Variants in KAZN observed in about 807,000 individuals in gnomAD.
KAZN encodes kazrin, periplakin interacting protein.
Under a neutral mutation model 87.4 loss-of-function variants are expected in KAZN, and 40 were observed. That is an observed-to-expected ratio of 0.46 (90% CI 0.36 to 0.60). KAZN has a LOEUF of 0.60. KAZN is among the 20% of genes least tolerant of loss of function. The pLI, the probability that KAZN is intolerant of heterozygous loss-of-function variation, is 0.00. For synonymous variants in KAZN, 466 were observed against 458.3 expected, an observed-to-expected ratio of 1.02 and a Z score of -0.22; for missense variants, 898 against 1,073.9, an observed-to-expected ratio of 0.84 and a Z score of 2.29.
intron 8 of KAZN, among the ~76,000 whole-genome samples, chr1:15,076,238 T>C (rs1489817383): frequency 6.6e-6 from 1 of 152,218 alleles, no homozygotes; most frequent in East Asian, 1.9e-4. Flanking sequence ...GGGTCACTGA[T>C]GGCAGCTTGA....
chr1:14,201,947 C>T (rs1056198038), intron 2 of KAZN, among the ~76,000 whole-genome samples: 2 of 152,222 alleles, frequency 1.3e-5, no homozygotes, highest in South Asian at 2.1e-4. Flanking sequence ...GGATTACAGG[C>T]GTGAGCCACT....
chr1:14,041,895 A>T (rs989203967), intron 1 of KAZN, among the ~76,000 whole-genome samples: 3 of 152,064 alleles, frequency 2.0e-5, no homozygotes, highest in African/African-American at 7.2e-5. Context: ...GTATTGTTTA[A>T]TTTTTTTCTG....
At chr1:14,508,947 G>A (rs2148441640) in intron 2 of KAZN, among the ~76,000 whole-genome samples, 1 of 152,330 alleles carries the variant, frequency 6.6e-6, no homozygotes, top group African/African-American at 2.4e-5. Flanking sequence ...GTTCTGTCCT[G>A]TAAGAAAGCA....
At chr1:14,767,852 T>C (rs1338159174) in intron 1 of KAZN, among the ~76,000 whole-genome samples, 1 of 152,166 alleles carries the variant, frequency 6.6e-6, no homozygotes, top group East Asian at 1.9e-4. Context: ...AAAGAGGACC[T>C]TGAGCTGCCA....
chr1:14,372,250 T>C (rs1017855753), intron 2 of KAZN, among the ~76,000 whole-genome samples: 1 of 152,246 alleles, frequency 6.6e-6, no homozygotes, highest in South Asian at 2.1e-4. Flanking sequence ...GAATCATGGA[T>C]AGATCAACAG....
intron 10 of KAZN, among the ~76,000 whole-genome samples, chr1:15,098,529 C>A (rs537827884): frequency 6.6e-6 from 1 of 152,362 alleles, no homozygotes; most frequent in Non-Finnish European, 1.5e-5. Context: ...CATTGATTTG[C>A]TGACCAAACT....
intron 1 of KAZN, among the ~76,000 whole-genome samples, chr1:14,176,763 A>G (rs1646086161): frequency 6.6e-6 from 1 of 152,142 alleles, no homozygotes. Context: ...TCTTCTATTT[A>G]TTTATTATTT....
At chr1:14,939,456 G>A (rs1660812318) in intron 1 of KAZN, among the ~76,000 whole-genome samples, 1 of 151,688 alleles carries the variant, frequency 6.6e-6, no homozygotes, top group African/African-American at 2.4e-5. Context: ...CATTTTGTTT[G>A]TAGAGACAGG....
chr1:14,816,554 G>T (rs1416951213), intron 1 of KAZN, among the ~76,000 whole-genome samples: 2 of 152,142 alleles, frequency 1.3e-5, no homozygotes, highest in Admixed American at 1.3e-4. Context: ...CACCAGCAAG[G>T]AGAATCTTGC....
At chr1:15,108,230 C>T (rs514370) in intron 13 of KAZN, among the ~76,000 whole-genome samples, 26,392 of 152,128 alleles carry the variant, frequency 0.17, 2,852 homozygotes, top group East Asian at 0.53. Context: ...CTCAGCAGGC[C>T]GCTGGAATGG....
chr1:14,244,911 C>G (rs1649351079), intron 2 of KAZN, among the ~76,000 whole-genome samples: 1 of 151,962 alleles, frequency 6.6e-6, no homozygotes, highest in Non-Finnish European at 1.5e-5. Flanking sequence ...GTATTCTGAG[C>G]AGAAGAGAGG....
intron 1 of KAZN, among the ~76,000 whole-genome samples, chr1:14,902,077 A>C (rs565446920): frequency 6.6e-6 from 1 of 152,312 alleles, no homozygotes; most frequent in Admixed American, 6.5e-5. Context: ...GCGAGGTGGG[A>C]GGCCCCCAGG....
At chr1:14,635,892 C>T (rs1183444814) in intron 1 of KAZN, among the ~76,000 whole-genome samples, 1 of 152,226 alleles carries the variant, frequency 6.6e-6, no homozygotes, top group East Asian at 1.9e-4. Context: ...GAATTCCATG[C>T]TATCTCATGA....
intron 1 of KAZN, among the ~76,000 whole-genome samples, chr1:14,926,048 A>C (rs1659135942): frequency 6.6e-6 from 1 of 152,210 alleles, no homozygotes; most frequent in Non-Finnish European, 1.5e-5. Flanking sequence ...ACCTTGCCTC[A>C]TTCACCATAA....
chr1:14,971,924 C>T (rs959568567), intron 2 of KAZN, among the ~76,000 whole-genome samples: 9 of 152,164 alleles, frequency 5.9e-5, no homozygotes, highest in African/African-American at 2.2e-4. Context: ...CGTCCTCCTT[C>T]CCCTGCAGGG....
Position 14,599,366 on chromosome 1 carries a change from C to A in KAZN, c.226+143C>A. 2 of 882,292 alleles carry A rather than the reference C, an allele frequency of 2.3e-6. No individual in the cohort carries two copies. The highest frequency in any genetic ancestry group is 3.0e-6 in the Non-Finnish European group (2 of 673,190). 54.7% of individuals were successfully genotyped at this position (882,292 alleles called of 1,614,324 possible). A position where few individuals can be genotyped will look rare whatever the true frequency, so the allele number is the denominator to read the frequency against. ...TGTAACCCTTTCCGCCCGGCGGTGG[C>A]CACCGCTGCTCTCCGGCTGGGAGTT... On this transcript the variant is annotated intron_variant, in intron 1 of 14. Transcript: ENST00000376030. The surrounding 1 kb of genome is among the most constrained non-coding windows in gnomAD (Gnocchi z 4.4).
chr1:14,675,027 C>A (rs1414398592), intron 1 of KAZN, among the ~76,000 whole-genome samples: 1 of 152,210 alleles, frequency 6.6e-6, no homozygotes, highest in Non-Finnish European at 1.5e-5. Flanking sequence ...ATCTTCAAGG[C>A]TCCCACATTC....
chr1:15,067,104 C>T, intron 8 of KAZN: 4 of 985,798 alleles, frequency 4.1e-6, no homozygotes, highest in Non-Finnish European at 4.8e-6. Flanking sequence ...TTCCTCCCTG[C>T]AGCTGTGTCT....
At chr1:15,067,253 C>G in intron 8 of KAZN, 1 of 985,576 alleles carries the variant, frequency 1.0e-6, no homozygotes, top group Non-Finnish European at 1.2e-6. Context: ...TTGGTTCCAT[C>G]AGCCACACTT....
Sources: gnomAD v4.1 joint callset for allele counts (sites outside exome capture counted in the v4.1 genomes callset) on GRCh38, gnomAD v4.1.1 for gene constraint, Gnocchi (gnomAD v3.1) non-coding constraint, MANE v1.5 for transcripts, NCBI Gene and HGNC (gene_info 2026-07-23, HGNC 2026-07-21) for gene names.